The following DUSP16 variants were observed in gnomAD, a reference collection of about 807,000 sequenced individuals.
DUSP16 encodes dual specificity protein phosphatase 16.
In DUSP16, 21 loss-of-function variants were observed where a neutral mutation model predicts 58.3. That is an observed-to-expected ratio of 0.36 (90% CI 0.26 to 0.52). DUSP16 has a LOEUF of 0.52. Ranked by LOEUF, DUSP16 falls within the 20% of genes least tolerant of loss-of-function variation. The probability of loss-of-function intolerance (pLI) is 0.94; values close to 1 mark genes in which losing one functional copy is unlikely to be tolerated. For synonymous variants in DUSP16, 320 were observed against 323.8 expected (o/e 0.99, Z 0.12); for missense variants, 726 against 819.0 (o/e 0.89, Z 1.39).
chr12:12,482,334 C>T (rs545803265), intron 5 of DUSP16, among the ~76,000 whole-genome samples: 2 of 152,102 alleles, frequency 1.3e-5, no homozygotes, highest in Non-Finnish European at 2.9e-5. Flanking sequence ...ACATGCGTTA[C>T]GATGTTGAGG....
chr12:12,545,779 A>G (rs1227112253), intron 1 of DUSP16, among the ~76,000 whole-genome samples: 6 of 152,202 alleles, frequency 3.9e-5, no homozygotes, highest in Admixed American at 3.9e-4. Flanking sequence ...CTAATAACAG[A>G]TAAGAGAGTA....
intron 4 of DUSP16, among the ~76,000 whole-genome samples, chr12:12,493,626 C>T (rs557764050): frequency 6.6e-6 from 1 of 152,284 alleles, no homozygotes; most frequent in African/African-American, 2.4e-5. Context: ...TCACTCTGCT[C>T]CAGCCACACT....
rs555001715 is a variant in DUSP16, at chr12:12,496,258, T to A, written c.531+4261A>T. Among the ~76,000 whole-genome samples the A allele has an allele frequency of 2.0e-5, 3 of 152,372 alleles. No individual in the cohort carries two copies. In the South Asian group the frequency reaches 6.2e-4, roughly 32 times the overall value. On this transcript the variant is annotated intron_variant, in intron 4 of 6. Transcript: ENST00000298573. ...AGACATTGAAGAAATATTTTATTGA[T>A]AATTTTGACACGCTTTTGTGTTCCT...
Position 12,473,783 on chromosome 12 carries a change from G to A in DUSP16, c.*3050C>T, listed in dbSNP as rs1434075548. The stretch of plus-strand genomic sequence containing the variant: ...TCATGAGCAGAGAGGTTGTTGAGAT[G>A]TATGTGGCAAGGACAAAGGACAGCT... On this transcript the variant is annotated 3_prime_UTR_variant, in exon 7 of 7. Transcript: ENST00000298573. 1.3e-5 allele frequency among the ~76,000 whole-genome samples: 2 copies of A among 152,184 alleles called. No individual in the cohort carries two copies. The highest frequency in any genetic ancestry group is 4.8e-5 in the African/African-American group (2 of 41,426).
At chr12:12,487,003 C>A (rs1293122016) in intron 5 of DUSP16, 25 bp downstream of exon 5, 4 of 1,612,516 alleles carry the variant, frequency 2.5e-6, no homozygotes, top group Non-Finnish European at 3.4e-6. Context: ...CCCACAGGAC[C>A]TGCAATATTA....
chr12:12,480,829 C>A (rs1391878880), intron 5 of DUSP16, among the ~76,000 whole-genome samples: 2 of 152,196 alleles, frequency 1.3e-5, no homozygotes, highest in East Asian at 3.8e-4. Flanking sequence ...AGTGATTCTC[C>A]TGCCTTAGCC....
At chr12:12,478,894 T>C (rs1943509902) in intron 6 of DUSP16, among the ~76,000 whole-genome samples, 1 of 152,244 alleles carries the variant, frequency 6.6e-6, no homozygotes, top group African/African-American at 2.4e-5. Context: ...AAGTGGTCTC[T>C]GTGTGCTAAG....
Position 12,521,273 on chromosome 12 carries a change from G to A in DUSP16, c.-175C>T. ...TTCAGCAAGAGCCCTCCAAGTGAAT[G>A]TCTCTTTCTCTTTCCCGTTGATGTG... On this transcript the variant is annotated 5_prime_UTR_variant, in exon 2 of 7. Coordinates refer to ENST00000298573, the MANE Select transcript of DUSP16 (RefSeq NM_030640.3). 3 of 1,441,520 alleles carry A rather than the reference G, an allele frequency of 2.1e-6. No homozygotes were observed. Among genetic ancestry groups the A allele is most frequent in the African/African-American group, 1.4e-5 (1 of 70,038 alleles). 89.3% of individuals were successfully genotyped at this position (1,441,520 alleles called of 1,614,324 possible). A position where few individuals can be genotyped will look rare whatever the true frequency, so the allele number is the denominator to read the frequency against.
At chr12:12,559,954 C>T (rs1415469330) in intron 1 of DUSP16, among the ~76,000 whole-genome samples, 1 of 152,148 alleles carries the variant, frequency 6.6e-6, no homozygotes, top group East Asian at 1.9e-4. Context: ...AACAGTGTCT[C>T]CTCTTTTACT....
At chr12:12,520,700 G>A (rs1944221432) in intron 2 of DUSP16, among the ~76,000 whole-genome samples, 171 bp downstream of exon 2, 1 of 152,284 alleles carries the variant, frequency 6.6e-6, no homozygotes, top group East Asian at 1.9e-4. Context: ...ATTATTAAAT[G>A]TGGCAATATG....
intron 6 of DUSP16, among the ~76,000 whole-genome samples, chr12:12,478,751 T>TC (rs1943506994): frequency 6.6e-6 from 1 of 152,198 alleles, no homozygotes. Context: ...TGTCATCCCC[T>TC]CTTAAAGTCA....
Position 12,477,731 on chromosome 12 carries a change from T to G in DUSP16, c.1100A>C (p.Gln367Pro), listed in dbSNP as rs777380063. 6.9e-6 allele frequency: 11 copies of G among 1,603,760 alleles called. No homozygotes were observed. In the East Asian group the frequency reaches 1.7e-4, roughly 24 times the overall value. ...PASVPSVPSV[Q>P]PSLLEDSPLV... ...CGGGCTGTCCTCTAACAGCGACGGC[T>G]GCACGCTGGGCACGCTGGGCACGCT... The change falls in exon 7 of 7, where the codon CAG becomes CCG. Residue 367 changes from glutamine to proline, a missense_variant. By Grantham distance (76) the Gln-to-Pro change is moderately conservative (BLOSUM62 -1). Transcript: ENST00000298573. This position sits in a 1 kb window ranked among gnomAD's most constrained non-coding sequence, Gnocchi z 4.1.
intron 1 of DUSP16, among the ~76,000 whole-genome samples, chr12:12,528,992 C>T (rs1167276171): frequency 6.6e-6 from 1 of 152,150 alleles, no homozygotes; most frequent in East Asian, 1.9e-4. Flanking sequence ...AATGAATATA[C>T]TAGCCAAGAT....
chr12:12,539,856 G>A (rs1392516396), intron 1 of DUSP16, among the ~76,000 whole-genome samples: 3 of 151,664 alleles, frequency 2.0e-5, no homozygotes, highest in Non-Finnish European at 1.5e-5. Flanking sequence ...TTCAAGACCA[G>A]CCTGACCAAC....
At chr12:12,529,623 T>C (rs963881645) in intron 1 of DUSP16, among the ~76,000 whole-genome samples, 12 of 152,180 alleles carry the variant, frequency 7.9e-5, no homozygotes, top group African/African-American at 2.9e-4. Flanking sequence ...TGCTGTACAA[T>C]AGATCCTTGA....
At chr12:12,512,467 A>T (rs1944093230) in intron 3 of DUSP16, among the ~76,000 whole-genome samples, 1 of 152,124 alleles carries the variant, frequency 6.6e-6, no homozygotes, top group South Asian at 2.1e-4. Flanking sequence ...GTACTCTTTA[A>T]GCAGCATCTC....
intron 1 of DUSP16, among the ~76,000 whole-genome samples, chr12:12,534,868 C>T (rs1944442948): frequency 6.6e-6 from 1 of 152,148 alleles, no homozygotes; most frequent in Admixed American, 6.6e-5. Flanking sequence ...TGGTGTTTCA[C>T]ACATGGTTGG....
At chr12:12,513,634 T>G (rs1944108485) in intron 3 of DUSP16, among the ~76,000 whole-genome samples, 1 of 152,196 alleles carries the variant, frequency 6.6e-6, no homozygotes, top group African/African-American at 2.4e-5. Flanking sequence ...GGTTATTCTG[T>G]GCTGCATCAC....
chr12:12,545,460 T>C (rs577371270), intron 1 of DUSP16, among the ~76,000 whole-genome samples: 271 of 147,852 alleles, frequency 1.8e-3, no homozygotes, highest in East Asian at 8.0e-3. Context: ...TTTTTTTTTT[T>C]CCGTAAAGAC....
Sources: gnomAD v4.1 joint callset for allele counts (sites outside exome capture counted in the v4.1 genomes callset) on GRCh38, gnomAD v4.1.1 for gene constraint, Gnocchi (gnomAD v3.1) non-coding constraint, MANE v1.5 for transcripts, NCBI Gene and HGNC (gene_info 2026-07-23, HGNC 2026-07-21) for gene names.